BRINP1: variants seen among roughly 807,000 people sequenced by gnomAD.
BRINP1 encodes BMP/retinoic acid inducible neural specific 1.
A neutral mutation model predicts 72.9 loss-of-function variants in BRINP1; 17 were observed. That is an observed-to-expected ratio of 0.23 (90% CI 0.16 to 0.35). The LOEUF (loss-of-function observed/expected upper bound fraction) is 0.35. Ranked by LOEUF, BRINP1 falls within the 10% of genes least tolerant of loss-of-function variation. The pLI is 1.00. For missense variants in BRINP1, 850 were observed against 1,001.6 expected, an observed-to-expected ratio of 0.85 and a Z score of 2.04; for synonymous variants, 418 against 378.5, an observed-to-expected ratio of 1.10 and a Z score of -1.21.
chr9:119,223,247 T>C (rs1328346539), intron 5 of BRINP1, among the ~76,000 whole-genome samples: 1 of 152,116 alleles, frequency 6.6e-6, no homozygotes, highest in Non-Finnish European at 1.5e-5. Context: ...GGGGGTTACA[T>C]AACTGAATAT....
At chr9:119,277,412 A>T (rs930377207) in intron 2 of BRINP1, among the ~76,000 whole-genome samples, 3 of 152,140 alleles carry the variant, frequency 2.0e-5, no homozygotes, top group Non-Finnish European at 4.4e-5. Flanking sequence ...CTAATTCCAC[A>T]TTTAGGAACA....
chr9:119,327,563 G>C (rs1831252400), intron 1 of BRINP1, among the ~76,000 whole-genome samples: 1 of 152,138 alleles, frequency 6.6e-6, no homozygotes, highest in Admixed American at 6.5e-5. Flanking sequence ...CAACTGCAGG[G>C]GTTAGTGGAG....
chr9:119,365,823 G>T lies in BRINP1; in HGVS notation c.-51+3233C>A, dbSNP rs367634755. ...GGCATCTCTGAGCTGTTTCTCCTTG[G>T]TTGAAATGGAGTCACAGCTCCCCCT... is the stretch of plus-strand genomic sequence containing the variant. On this transcript the variant is annotated intron_variant, in intron 1 of 7. Coordinates refer to ENST00000265922, the MANE Select transcript of BRINP1 (RefSeq NM_014618.3). 3.9e-5 allele frequency among the ~76,000 whole-genome samples: 6 copies of T among 152,134 alleles called. No homozygotes were observed. The East Asian group carries it at 9.7e-4, about 25-fold the overall frequency.
intron 2 of BRINP1, among the ~76,000 whole-genome samples, chr9:119,255,578 C>T (rs1373654111): frequency 2.0e-5 from 3 of 152,126 alleles, no homozygotes; most frequent in Admixed American, 6.6e-5. Context: ...TTTATTAGTC[C>T]TCTACTTTCC....
At chr9:119,318,943 A>C (rs1831156868) in intron 1 of BRINP1, among the ~76,000 whole-genome samples, 1 of 150,892 alleles carries the variant, frequency 6.6e-6, no homozygotes, top group African/African-American at 2.4e-5. Flanking sequence ...GGAAGATTTA[A>C]CTCGTACTTC....
In BRINP1 at chr9:119,326,974, AATGGCATGAAG is replaced by A. The variant is rs549405277; in HGVS notation, c.-50-13580_-50-13570del. Among the ~76,000 whole-genome samples, 52 of 152,282 alleles carry A rather than the reference AATGGCATGAAG, an allele frequency of 3.4e-4. 1 individual carries two copies. In the South Asian group the frequency reaches 6.0e-3, roughly 18 times the overall value. ...ATTTCAGACCAAGAGAAGCATGTGA[AATGGCATGAAG>A]GAGTGTGTTGTGAGTATGGAATCTA... On this transcript the variant is annotated intron_variant, in intron 1 of 7. Transcript: ENST00000265922.
At chr9:119,212,004 T>C (rs554662158) in intron 6 of BRINP1, among the ~76,000 whole-genome samples, 1 of 152,284 alleles carries the variant, frequency 6.6e-6, no homozygotes, top group Admixed American at 6.5e-5. Context: ...TTTTTTTTGT[T>C]TGTTTTTGTT....
intron 7 of BRINP1, among the ~76,000 whole-genome samples, chr9:119,169,721 A>T (rs904809494): frequency 2.0e-5 from 3 of 152,234 alleles, no homozygotes; most frequent in African/African-American, 7.2e-5. Flanking sequence ...CTGCAGACTT[A>T]AATGTTCCTG....
intron 7 of BRINP1, among the ~76,000 whole-genome samples, chr9:119,189,769 C>T (rs955806778): frequency 1.3e-5 from 2 of 151,910 alleles, no homozygotes; most frequent in Non-Finnish European, 2.9e-5. Flanking sequence ...ATCAAGCAGA[C>T]AGAAAAATAA....
intron 1 of BRINP1, among the ~76,000 whole-genome samples, chr9:119,314,613 C>T (rs1446117646): frequency 6.6e-6 from 1 of 152,292 alleles, no homozygotes; most frequent in East Asian, 1.9e-4. Context: ...ATCCGCCCTC[C>T]TTGTCAGTCT....
Position 119,238,735 on chromosome 9 carries a change from A to C in BRINP1, c.605T>G (p.Leu202Arg). 1 of 1,611,048 alleles carries C rather than the reference A, an allele frequency of 6.2e-7. No individual in the cohort carries two copies. Among genetic ancestry groups the C allele is most frequent in the Non-Finnish European group, 8.5e-7 (1 of 1,178,972 alleles). Residue 202 changes from leucine to arginine, a missense_variant, in exon 5 of 8, where the codon CTG becomes CGG. Transcript: ENST00000265922. ...IKVTETRTGP[L>R]GCNSYDNLDS... ...CAGATTGTCATAGCTGTTACAGCCC[A>C]GAGGCCCAGTGCGTGTCTCTGTGAC...
intron 1 of BRINP1, among the ~76,000 whole-genome samples, chr9:119,333,555 T>C (rs10984490): frequency 0.27 from 41,676 of 151,846 alleles, 6,479 homozygotes; most frequent in Non-Finnish European, 0.34. Flanking sequence ...TTAAAAATTC[T>C]GGAGGTGAGG....
intron 7 of BRINP1, among the ~76,000 whole-genome samples, chr9:119,207,675 A>G (rs1377452015): frequency 6.6e-6 from 1 of 152,140 alleles, no homozygotes; most frequent in Non-Finnish European, 1.5e-5. Flanking sequence ...AAATTACTTG[A>G]CCTCTCTCAG....
At chr9:119,274,651 CTCTG>C (rs1830637447) in intron 2 of BRINP1, among the ~76,000 whole-genome samples, 1 of 152,120 alleles carries the variant, frequency 6.6e-6, no homozygotes, top group Non-Finnish European at 1.5e-5. Context: ...ATTCTAACAG[CTCTG>C]TCTATTTCAC....
At chr9:119,208,676 C>A (rs1360078422) in intron 7 of BRINP1, 43 bp downstream of exon 7, 3 of 1,574,842 alleles carry the variant, frequency 1.9e-6, no homozygotes, top group Non-Finnish European at 2.6e-6. Flanking sequence ...GTAGCTAACG[C>A]CAGGTAGGTG....
chr9:119,220,404 A>G (rs147998229), intron 5 of BRINP1, among the ~76,000 whole-genome samples: 1 of 152,298 alleles, frequency 6.6e-6, no homozygotes, highest in East Asian at 1.9e-4. Context: ...AGAAGATCCA[A>G]TCAACAGAAG....
chr9:119,187,799 C>A (rs561222221), intron 7 of BRINP1, among the ~76,000 whole-genome samples: 2 of 151,858 alleles, frequency 1.3e-5, no homozygotes, highest in Non-Finnish European at 2.9e-5. Flanking sequence ...AAGGGAATAT[C>A]GACAGATAAT....
intron 2 of BRINP1, among the ~76,000 whole-genome samples, chr9:119,263,241 CAG>C (rs2118938215): frequency 6.6e-6 from 1 of 152,284 alleles, no homozygotes; most frequent in South Asian, 2.1e-4. Flanking sequence ...CTTAGCAGGC[CAG>C]AGTCTTTGCC....
At chr9:119,237,528 A>G (rs1038683263) in intron 5 of BRINP1, among the ~76,000 whole-genome samples, 5 of 151,620 alleles carry the variant, frequency 3.3e-5, no homozygotes, top group African/African-American at 1.2e-4. Context: ...ACGCTTGGCT[A>G]ACTTTTTGTA....
Sources: allele counts gnomAD v4.1 joint callset (sites outside exome capture counted in the v4.1 genomes callset), GRCh38; gene constraint gnomAD v4.1.1; transcripts MANE v1.5; gene names NCBI Gene and HGNC (gene_info 2026-07-23, HGNC 2026-07-21).